Variants in TSPEAR observed in about 807,000 individuals in gnomAD.
TSPEAR encodes the protein thrombospondin-type laminin G domain and EAR repeat-containing protein.
A neutral mutation model predicts 71.6 loss-of-function variants in TSPEAR; 69 were observed. The ratio of observed to expected loss-of-function variants is 0.96; its 90% confidence interval spans 0.79 to 1.18. The LOEUF is 1.18. Among genes scored for constraint, TSPEAR ranks in the 50% most tolerant of loss-of-function variants. The pLI is 0.00. For synonymous variants in TSPEAR, 402 were observed against 387.2 expected (o/e 1.04, Z -0.45); for missense variants, 971 against 894.9 (o/e 1.09, Z -1.09).
At chr21:44,501,057 TG>T (rs1385789075) in intron 11 of TSPEAR, among the ~76,000 whole-genome samples, 3 of 152,262 alleles carry the variant, frequency 2.0e-5, no homozygotes, top group African/African-American at 7.2e-5. Flanking sequence ...CAATGTGAAG[TG>T]GGGGTAAGCT....
intron 1 of TSPEAR, among the ~76,000 whole-genome samples, chr21:44,605,785 A>G (rs1981266125): frequency 6.6e-6 from 1 of 152,200 alleles, no homozygotes; most frequent in South Asian, 2.1e-4. Flanking sequence ...ATCTTACATC[A>G]TATGCAAAAA....
intron 1 of TSPEAR, among the ~76,000 whole-genome samples, chr21:44,643,678 A>T (rs1984144369): frequency 6.6e-6 from 1 of 152,170 alleles, no homozygotes; most frequent in East Asian, 1.9e-4. Context: ...AGCCACTGGA[A>T]CTCTCAGTAG....
chr21:44,595,485 C>G (rs1248143621), intron 1 of TSPEAR, among the ~76,000 whole-genome samples: 1 of 152,200 alleles, frequency 6.6e-6, no homozygotes. Flanking sequence ...GTTGATTTAT[C>G]AACACTGAGC....
At chr21:44,637,008 G>A (rs587611196) in intron 1 of TSPEAR, among the ~76,000 whole-genome samples, 26 of 152,288 alleles carry the variant, frequency 1.7e-4, no homozygotes, top group African/African-American at 5.5e-4. Flanking sequence ...AGCCCACCCC[G>A]TGAGGTCCCT....
At chr21:44,624,095 C>A (rs1555933957) in intron 1 of TSPEAR, among the ~76,000 whole-genome samples, 1 of 152,124 alleles carries the variant, frequency 6.6e-6, no homozygotes, top group East Asian at 1.9e-4. Context: ...TTCTTCATTT[C>A]CCTCTTTTCT....
At chr21:44,557,917 T>G in intron 2 of TSPEAR, 1 of 1,092,478 alleles carries the variant, frequency 9.2e-7, no homozygotes, top group Non-Finnish European at 1.3e-6. Flanking sequence ...GGAATCGGCA[T>G]GAAAGCTCAG....
At chr21:44,657,257 C>G (rs1555942704) in intron 1 of TSPEAR, among the ~76,000 whole-genome samples, 1 of 152,212 alleles carries the variant, frequency 6.6e-6, no homozygotes, top group Non-Finnish European at 1.5e-5. Context: ...CTAGAATGCT[C>G]TTGAGGCCAA....
rs1555953658 is a variant in TSPEAR, at chr21:44,711,553, C to T, written c.-39G>A. 6.3e-7 allele frequency: 1 copy of T among 1,587,840 alleles called. No homozygotes were observed. Among genetic ancestry groups the T allele is most frequent in the Non-Finnish European group, 8.6e-7 (1 of 1,166,258 alleles). Reference sequence around the variant, plus strand: ...GCCAAGCTCCATCCAGGGCTCCGCTCAGCCTGCAGGGAAGTGGCTGCTCCT... The same window carrying T: ...GCCAAGCTCCATCCAGGGCTCCGCTTAGCCTGCAGGGAAGTGGCTGCTCCT... On this transcript the variant is annotated 5_prime_UTR_variant, in exon 1 of 12. Coordinates refer to ENST00000323084, the MANE Select transcript of TSPEAR (RefSeq NM_144991.3). This position sits in a 1 kb window ranked among gnomAD's most constrained non-coding sequence, Gnocchi z 4.5.
At chr21:44,619,327 A>G (rs1480699372) in intron 1 of TSPEAR, among the ~76,000 whole-genome samples, 1 of 152,262 alleles carries the variant, frequency 6.6e-6, no homozygotes, top group Non-Finnish European at 1.5e-5. Context: ...GAAACAAACA[A>G]AAACAACCAC....
chr21:44,523,415 GTAGTCAGGTAGT>G (rs1211293222), intron 8 of TSPEAR, among the ~76,000 whole-genome samples: 1 of 151,916 alleles, frequency 6.6e-6, no homozygotes, highest in Non-Finnish European at 1.5e-5. Flanking sequence ...AATAAGTCAG[GTAGTCAGGTAGT>G]TAGTCAGGTA....
At position 44,509,406 on chromosome 21, in the gene TSPEAR, G is replaced by A. The variant is rs782711448; in HGVS notation, c.1567-20C>T. 5.0e-5 allele frequency: 80 copies of A among 1,604,904 alleles called. No individual in the cohort carries two copies. The highest frequency in any genetic ancestry group is 1.7e-4 in the Middle Eastern group (1 of 6,046). On this transcript the variant is annotated intron_variant, in intron 9 of 11. Coordinates refer to ENST00000323084, the MANE Select transcript of TSPEAR (RefSeq NM_144991.3). ...GAACGTCTAGGACCAAAGGAGAGCAGGTGCAGAGGTGTGGGGGAGCGGGCG... is the reference window on the plus strand; with the variant it reads ...GAACGTCTAGGACCAAAGGAGAGCAAGTGCAGAGGTGTGGGGGAGCGGGCG...
intron 1 of TSPEAR, among the ~76,000 whole-genome samples, chr21:44,705,210 A>T (rs1987852896): frequency 6.6e-6 from 1 of 152,258 alleles, no homozygotes; most frequent in African/African-American, 2.4e-5. Flanking sequence ...TCACTTCCCC[A>T]GTCAATACCC....
intron 1 of TSPEAR, chr21:44,677,672 T>G (rs1222579410): frequency 2.9e-6 from 4 of 1,401,402 alleles, no homozygotes; most frequent in Non-Finnish European, 4.0e-6. Flanking sequence ...CTGCGGTTGC[T>G]GAAGCTGGAG....
intron 2 of TSPEAR, among the ~76,000 whole-genome samples, chr21:44,563,883 T>G (rs233261): frequency 0.23 from 35,453 of 152,166 alleles, 4,265 homozygotes; most frequent in Non-Finnish European, 0.25. Context: ...CTACAACTTA[T>G]GCCTTAACAA....
intron 1 of TSPEAR, among the ~76,000 whole-genome samples, chr21:44,615,468 A>G (rs1982017981): frequency 6.6e-6 from 1 of 152,214 alleles, no homozygotes; most frequent in Admixed American, 6.5e-5. Flanking sequence ...GGGGGATTAA[A>G]GACATTTTTA....
At chr21:44,594,959 T>C (rs1297235665) in intron 1 of TSPEAR, among the ~76,000 whole-genome samples, 1 of 151,860 alleles carries the variant, frequency 6.6e-6, no homozygotes, top group African/African-American at 2.4e-5. Context: ...GTAGCTGGGA[T>C]TACAGGCATA....
intron 8 of TSPEAR, 23 bp from the exon 9 acceptor site, chr21:44,522,135 G>A: frequency 6.2e-7 from 1 of 1,607,858 alleles, no homozygotes. Context: ...GACTGTGCTG[G>A]GGGCAGGGAG....
rs2052419296 is a variant in TSPEAR, at chr21:44,512,470, C to CA, written c.1567-3085dup. ...GAGACAGGGGCTTTGGGAGACCACT[C>CA]AGAGAACCTGGTATTTCCCTAGGCA... On this transcript the variant is annotated intron_variant, in intron 9 of 11. Coordinates refer to ENST00000323084, the MANE Select transcript of TSPEAR (RefSeq NM_144991.3). 2.0e-5 allele frequency among the ~76,000 whole-genome samples: 3 copies of CA among 151,644 alleles called. 1 individual carries two copies. The highest frequency in any genetic ancestry group is 2.1e-4 in the South Asian group (1 of 4,824).
At chr21:44,552,974 C>G (rs2053468853) in intron 2 of TSPEAR, among the ~76,000 whole-genome samples, 1 of 152,220 alleles carries the variant, frequency 6.6e-6, no homozygotes, top group Non-Finnish European at 1.5e-5. Context: ...GAAGCCGAGG[C>G]AGCGGCGTTC....
Sources: gnomAD v4.1 joint callset for allele counts (sites outside exome capture counted in the v4.1 genomes callset) on GRCh38, gnomAD v4.1.1 for gene constraint, Gnocchi (gnomAD v3.1) non-coding constraint, MANE v1.5 for transcripts, NCBI Gene and HGNC (gene_info 2026-07-23, HGNC 2026-07-21) for gene names.